ZNF454: variants seen among roughly 807,000 people sequenced by gnomAD.
ZNF454 encodes zinc finger protein 454.
In ZNF454, 30 loss-of-function variants were observed where a neutral mutation model predicts 48.2. That is an observed-to-expected ratio of 0.62 (90% confidence interval 0.47 to 0.84). The LOEUF (loss-of-function observed/expected upper bound fraction) is 0.84. Ranked by LOEUF, ZNF454 falls within the 40% of genes least tolerant of loss-of-function variation. The probability of loss-of-function intolerance (pLI) is 0.00; values close to 1 mark genes in which losing one functional copy is unlikely to be tolerated. For synonymous variants in ZNF454, 204 were observed against 211.4 expected (o/e 0.97, Z 0.30); for missense variants, 510 against 623.1 (o/e 0.82, Z 1.93).
Position 178,941,288 on chromosome 5 carries a change from G to C in ZNF454, c.-264G>C, listed in dbSNP as rs1295899524. ...CGCCGGCAGAGGCTCCTCGAAGAGC[G>C]ACACGGGGCTGACCAGGCACGGTGG... On this transcript the variant is annotated 5_prime_UTR_variant, in exon 1 of 5. Coordinates refer to ENST00000519564, the MANE Select transcript of ZNF454 (RefSeq NM_001178089.3). The surrounding 1 kb of genome is among the most constrained non-coding windows in gnomAD (Gnocchi z 5.5). 3 of 415,662 alleles carry C rather than the reference G, an allele frequency of 7.2e-6. No individual in the cohort carries two copies. Among genetic ancestry groups the C allele is most frequent in the Non-Finnish European group, 1.5e-5 (3 of 205,176 alleles). The allele number at this position is 415,662 out of a possible 1,614,324, so 25.7% of individuals were successfully genotyped here. A position where few individuals can be genotyped will look rare whatever the true frequency, so the allele number is the denominator to read the frequency against.
At chr5:178,975,531 C>G in the ZNF454 span, among the ~76,000 whole-genome samples, 1 of 152,220 alleles carries the variant, frequency 6.6e-6, no homozygotes, top group African/African-American at 2.4e-5. Flanking sequence ...AAAGATGTTG[C>G]TAAAACATTC....
chr5:178,951,601 A>G (rs1759559092), intron 4 of ZNF454, among the ~76,000 whole-genome samples: 1 of 152,228 alleles, frequency 6.6e-6, no homozygotes, highest in South Asian at 2.1e-4. Context: ...ATGTTGAGGC[A>G]CGTAGCTCTA....
the ZNF454 span, chr5:178,983,136 T>C: frequency 6.2e-7 from 1 of 1,614,016 alleles, no homozygotes; most frequent in Non-Finnish European, 8.5e-7. Context: ...CCCTCTGGCC[T>C]GCTCGGGGTC....
the ZNF454 span, among the ~76,000 whole-genome samples, chr5:178,974,001 T>A: frequency 6.6e-6 from 1 of 151,972 alleles, no homozygotes; most frequent in Non-Finnish European, 1.5e-5. Flanking sequence ...AAGTAGACAG[T>A]GGGGTTGGGC....
intron 4 of ZNF454, among the ~76,000 whole-genome samples, chr5:178,951,154 G>A (rs1044340878): frequency 6.6e-6 from 1 of 151,932 alleles, no homozygotes; most frequent in Admixed American, 6.6e-5. Context: ...CACTGCACCC[G>A]GCCTTAAAGA....
At chr5:178,951,187 T>C (rs369904865) in intron 4 of ZNF454, among the ~76,000 whole-genome samples, 1 of 152,212 alleles carries the variant, frequency 6.6e-6, no homozygotes, top group African/African-American at 2.4e-5. Context: ...TTATTGCTCT[T>C]ACATGTAATT....
the ZNF454 span, among the ~76,000 whole-genome samples, chr5:178,982,176 C>G: frequency 6.6e-6 from 1 of 152,190 alleles, no homozygotes. Context: ...AGACAAACTT[C>G]AGGAGCAGAT....
chr5:178,965,569 T>C lies in ZNF454; in HGVS notation c.1165T>C (p.Cys389Arg). 4 of 1,614,156 alleles carry C rather than the reference T, an allele frequency of 2.5e-6. No homozygotes were observed. Among genetic ancestry groups the C allele is most frequent in the Non-Finnish European group, 3.4e-6 (4 of 1,180,014 alleles). ...TGEKPYKCNECGKAFRDNSSF... is the reference protein window; with the variant it reads ...TGEKPYKCNERGKAFRDNSSF... ...AGAGAAACCTTATAAATGTAATGAATGTGGGAAAGCTTTCAGGGATAATTC... is the reference window on the plus strand; with the variant it reads ...AGAGAAACCTTATAAATGTAATGAACGTGGGAAAGCTTTCAGGGATAATTC... Residue 389 changes from cysteine to arginine, a missense_variant, in exon 5 of 5, where the codon TGT (cysteine) becomes CGT (arginine). By Grantham distance (180) the Cys-to-Arg change is radical. Transcript: ENST00000519564. The surrounding 1 kb of genome is among the most constrained non-coding windows in gnomAD (Gnocchi z 5.2).
rs1256369674 is a variant in ZNF454, at chr5:178,964,703, T to G, written c.299T>G (p.Ile100Ser). 6 of 1,614,072 alleles carry G rather than the reference T, an allele frequency of 3.7e-6. No homozygotes were observed. In the African/African-American group the frequency reaches 8.0e-5, roughly 22 times the overall value. The change falls in exon 5 of 5, where the codon ATT (isoleucine) becomes AGT (serine). Residue 100 changes from isoleucine to serine, a missense_variant. Ile to Ser is a moderately radical substitution (Grantham distance 142). Transcript: ENST00000519564. ...ASKKSTVKAE[I>S]PEEELDQWTI... is the part of the protein sequence containing the mutation. ...AAGAAATCTACTGTCAAGGCAGAGATTCCTGAAGAAGAATTGGATCAATGG... is the reference window on the plus strand; with the variant it reads ...AAGAAATCTACTGTCAAGGCAGAGAGTCCTGAAGAAGAATTGGATCAATGG...
the ZNF454 span, among the ~76,000 whole-genome samples, chr5:178,982,620 G>A: frequency 0.042 from 4,085 of 96,418 alleles, 135 homozygotes; most frequent in East Asian, 0.16. Context: ...TGAAGAACTT[G>A]AATTAAAAAA....
chr5:178,960,063 C>T (rs572818963), intron 4 of ZNF454, among the ~76,000 whole-genome samples: 1 of 151,260 alleles, frequency 6.6e-6, no homozygotes, highest in South Asian at 2.1e-4. Flanking sequence ...GATCCTCCCA[C>T]CTCAGCCTCC....
chr5:178,956,643 A>G (rs1759761702), intron 4 of ZNF454, among the ~76,000 whole-genome samples: 1 of 148,424 alleles, frequency 6.7e-6, no homozygotes. Context: ...GGGTAAACTG[A>G]CCTTAAACCA....
the ZNF454 span, among the ~76,000 whole-genome samples, chr5:178,973,282 G>T: frequency 3.9e-5 from 6 of 152,036 alleles, no homozygotes; most frequent in East Asian, 7.7e-4. Context: ...AGAAGCTATT[G>T]TCTGGTTTTG....
At chr5:178,958,068 C>T (rs867219270) in intron 4 of ZNF454, among the ~76,000 whole-genome samples, 2 of 151,900 alleles carry the variant, frequency 1.3e-5, no homozygotes, top group African/African-American at 4.8e-5. Flanking sequence ...TTTTGAAAGC[C>T]GTCCCCTAGA....
In ZNF454 at chr5:178,944,028, A is replaced by C. The variant is rs1759219463; in HGVS notation, c.33+1204A>C. ...AGTGACAGAGCGAGACTCCATCTCAAAAATAAAAAATAAAAAAGAATATGG... is the reference window on the plus strand; with the variant it reads ...AGTGACAGAGCGAGACTCCATCTCACAAATAAAAAATAAAAAAGAATATGG... On this transcript the variant is annotated intron_variant, in intron 2 of 4. Transcript: ENST00000519564. This position sits in a 1 kb window ranked among gnomAD's most constrained non-coding sequence, Gnocchi z 4.1. Among the ~76,000 whole-genome samples, 1 of 152,222 alleles carries C rather than the reference A, an allele frequency of 6.6e-6. No individual in the cohort carries two copies. The highest frequency in any genetic ancestry group is 2.1e-4 in the South Asian group (1 of 4,832).
chr5:178,965,339 G>A lies in ZNF454; in HGVS notation c.935G>A (p.Arg312Lys). ...CNICEKAFVC[R>K]AHLTKHQNIH... ...ATTTGTGAAAAAGCCTTTGTGTGCAGGGCACACCTTACCAAACACCAGAAT... is the reference window on the plus strand; with the variant it reads ...ATTTGTGAAAAAGCCTTTGTGTGCAAGGCACACCTTACCAAACACCAGAAT... Residue 312 changes from arginine (R) to lysine (K), a missense_variant, in exon 5 of 5, where the codon AGG becomes AAG. Physicochemically the swap from Arg to Lys is conservative, Grantham distance 26. Transcript: ENST00000519564. This position sits in a 1 kb window ranked among gnomAD's most constrained non-coding sequence, Gnocchi z 5.2. 2 of 1,614,024 alleles carry A rather than the reference G, an allele frequency of 1.2e-6. No homozygotes were observed. The highest frequency in any genetic ancestry group is 1.1e-5 in the South Asian group (1 of 91,076).
Position 178,946,166 on chromosome 5 carries a change from G to A in ZNF454, c.34-193G>A, listed in dbSNP as rs1759322599. Among the ~76,000 whole-genome samples the A allele has an allele frequency of 6.6e-6, 1 of 152,104 alleles. No individual in the cohort carries two copies. The highest frequency in any genetic ancestry group is 2.1e-4 in the South Asian group (1 of 4,832). On this transcript the variant is annotated intron_variant, in intron 2 of 4. Coordinates refer to ENST00000519564, the MANE Select transcript of ZNF454 (RefSeq NM_001178089.3). This position sits in a 1 kb window ranked among gnomAD's most constrained non-coding sequence, Gnocchi z 4.5. ...CCACCATATATGTTTCTTCAGCGTG[G>A]AGAGCAATGTCTAGTCCAAGGCTAG...
chr5:178,985,590 C>G, the ZNF454 span: 1 of 348,792 alleles, frequency 2.9e-6, no homozygotes, highest in South Asian at 2.2e-5. Context: ...GTAGTCCCAG[C>G]TACTCGGGAG....
chr5:178,986,332 A>C, the ZNF454 span: 1 of 1,614,148 alleles, frequency 6.2e-7, no homozygotes, highest in East Asian at 2.2e-5. Context: ...CTCAGCCACC[A>C]TGAGGAAGGT....
Sources: gnomAD v4.1 joint callset for allele counts (sites outside exome capture counted in the v4.1 genomes callset) on GRCh38, gnomAD v4.1.1 for gene constraint, Gnocchi (gnomAD v3.1) non-coding constraint, MANE v1.5 for transcripts, NCBI Gene and HGNC (gene_info 2026-07-23, HGNC 2026-07-21) for gene names.